PLEKHA5: variants seen among roughly 807,000 people sequenced by gnomAD.
The protein encoded by PLEKHA5 is pleckstrin homology domain-containing family A member 5.
A neutral mutation model predicts 181.9 loss-of-function variants in PLEKHA5; 55 were observed. The observed-to-expected ratio is 0.30, with a 90% CI of 0.24 to 0.38. The LOEUF is 0.38. PLEKHA5 is among the 10% of genes least tolerant of loss of function. PLEKHA5 has a pLI of 1.00. For missense variants in PLEKHA5, 1,432 were observed against 1,549.5 expected, an observed-to-expected ratio of 0.92 and a Z score of 1.27; for synonymous variants, 535 against 529.4, an observed-to-expected ratio of 1.01 and a Z score of -0.15.
chr12:19,170,671 G>A (rs556620912), intron 3 of PLEKHA5, among the ~76,000 whole-genome samples: 1 of 152,274 alleles, frequency 6.6e-6, no homozygotes, highest in South Asian at 2.1e-4. Flanking sequence ...GCCTGCCTTG[G>A]CCTCCCAAAG....
At chr12:19,285,340 G>A (rs1008631452) in intron 12 of PLEKHA5, among the ~76,000 whole-genome samples, 3 of 152,110 alleles carry the variant, frequency 2.0e-5, no homozygotes, top group Middle Eastern at 3.4e-3. Flanking sequence ...CATCTGTTTC[G>A]ACAGCAAATA....
intron 3 of PLEKHA5, among the ~76,000 whole-genome samples, chr12:19,160,323 A>G (rs1172734168): frequency 6.6e-6 from 1 of 152,072 alleles, no homozygotes; most frequent in Non-Finnish European, 1.5e-5. Context: ...GTATGAAATT[A>G]TACCTTGGGT....
At chr12:19,198,130 C>G (rs1447646021) in intron 3 of PLEKHA5, among the ~76,000 whole-genome samples, 1 of 152,186 alleles carries the variant, frequency 6.6e-6, no homozygotes, top group African/African-American at 2.4e-5. Flanking sequence ...ATTCTCCACA[C>G]TAGCTAGATT....
chr12:19,265,975 T>G (rs1289131517), intron 8 of PLEKHA5, 125 bp downstream of exon 8: 5 of 494,012 alleles, frequency 1.0e-5, no homozygotes, highest in African/African-American at 2.0e-5. Context: ...ATATATTAAT[T>G]AATGGTCTTA....
intron 3 of PLEKHA5, among the ~76,000 whole-genome samples, chr12:19,243,704 T>A (rs1454147127): frequency 2.0e-5 from 3 of 152,158 alleles, no homozygotes; most frequent in Non-Finnish European, 4.4e-5. Flanking sequence ...TAGTTCTAAG[T>A]TAAAGGCAAA....
chr12:19,207,236 A>G (rs925705147), intron 3 of PLEKHA5: 3 of 152,104 alleles, frequency 2.0e-5, no homozygotes, highest in Admixed American at 2.0e-4. Flanking sequence ...TTATTATACT[A>G]TTTTATACTA....
rs113078397 is a variant in PLEKHA5 at position 19,343,490 on chromosome 12, C to G, written c.2662+56C>G. Reference sequence around the variant, plus strand: ...TGACCACAGTATTACAGTCATGTGTCGCTTGGTGACAGATTACATTCTGAG... The same window carrying G: ...TGACCACAGTATTACAGTCATGTGTGGCTTGGTGACAGATTACATTCTGAG... On this transcript the variant is annotated intron_variant, in intron 22 of 31. Transcript: ENST00000429027. 95 of 954,428 alleles carry G rather than the reference C, an allele frequency of 1.0e-4. 1 individual carries two copies. In the African/African-American group the frequency reaches 1.5e-3, roughly 15 times the overall value. 59.1% of individuals were successfully genotyped at this position (954,428 alleles called of 1,614,324 possible). A position where few individuals can be genotyped will look rare whatever the true frequency, so the allele number is the denominator to read the frequency against.
chr12:19,163,477 A>G (rs927638303), intron 3 of PLEKHA5, among the ~76,000 whole-genome samples: 7 of 152,068 alleles, frequency 4.6e-5, no homozygotes, highest in Admixed American at 2.0e-4. Flanking sequence ...CACCGCGCCC[A>G]GCCTGAATTC....
At chr12:19,181,039 TAAA>T (rs11285788) in intron 3 of PLEKHA5, among the ~76,000 whole-genome samples, 4 of 146,828 alleles carry the variant, frequency 2.7e-5, no homozygotes, top group Admixed American at 6.8e-5. Flanking sequence ...GTTGAAATTG[TAAA>T]AAAAAAAAAA....
chr12:19,169,215 T>C (rs1043448494), intron 3 of PLEKHA5, among the ~76,000 whole-genome samples: 1 of 152,076 alleles, frequency 6.6e-6, no homozygotes, highest in Non-Finnish European at 1.5e-5. Context: ...GTTTTAATAT[T>C]TGAATTTAAG....
chr12:19,254,242 A>G (rs1273449421), intron 4 of PLEKHA5, among the ~76,000 whole-genome samples: 3 of 152,172 alleles, frequency 2.0e-5, no homozygotes, highest in Non-Finnish European at 4.4e-5. Context: ...AGTACTTCAA[A>G]CGCAGTAAGC....
rs1195919699 is a variant in PLEKHA5, at chr12:19,320,555, C to T, written c.2155-7C>T. On this transcript the variant is annotated splice_region_variant and splice_polypyrimidine_tract_variant and intron_variant, in intron 17 of 31. Coordinates refer to ENST00000429027, the MANE Select transcript of PLEKHA5 (RefSeq NM_001256470.2). ...TTTTAAGTTGCTATATGATTTTTTT[C>T]TTATAGCTGTCACAAGATGAAGGTA... 7.0e-7 allele frequency: 1 copy of T among 1,426,020 alleles called. No individual in the cohort carries two copies. Among genetic ancestry groups the T allele is most frequent in the Non-Finnish European group, 9.8e-7 (1 of 1,024,838 alleles). The allele number at this position is 1,426,020 out of a possible 1,614,324, so 88.3% of individuals were successfully genotyped here.
intron 20 of PLEKHA5, among the ~76,000 whole-genome samples, chr12:19,323,615 G>C (rs528139649): frequency 2.5e-4 from 38 of 151,982 alleles, no homozygotes; most frequent in African/African-American, 9.2e-4. Context: ...TCAGGAGTTT[G>C]AGACTAGCCT....
intron 31 of PLEKHA5, chr12:19,373,390 A>C (rs1380204191): frequency 6.6e-6 from 1 of 151,382 alleles, no homozygotes; most frequent in Non-Finnish European, 1.5e-5. Flanking sequence ...CAAAAAAAAA[A>C]AAAAAAATCT....
chr12:19,314,248 G>A (rs1438482672), intron 15 of PLEKHA5, among the ~76,000 whole-genome samples: 1 of 152,094 alleles, frequency 6.6e-6, no homozygotes, highest in Non-Finnish European at 1.5e-5. Context: ...ATATCCTTGA[G>A]TAATTCTACA....
chr12:19,316,877 G>T (rs904839086), intron 16 of PLEKHA5, among the ~76,000 whole-genome samples: 4 of 152,116 alleles, frequency 2.6e-5, no homozygotes, highest in African/African-American at 9.7e-5. Context: ...CTTTTCTGAA[G>T]TTGAATGACA....
At chr12:19,273,666 C>T (rs1390276579) in intron 10 of PLEKHA5, among the ~76,000 whole-genome samples, 1 of 152,150 alleles carries the variant, frequency 6.6e-6, no homozygotes, top group Non-Finnish European at 1.5e-5. Flanking sequence ...GATATGGCAA[C>T]TAGAATAGTG....
intron 15 of PLEKHA5, among the ~76,000 whole-genome samples, chr12:19,293,148 G>A (rs1261045604): frequency 2.0e-5 from 3 of 152,226 alleles, no homozygotes; most frequent in African/African-American, 4.8e-5. Flanking sequence ...AGAGGTTACT[G>A]TAGAAAATAA....
intron 3 of PLEKHA5, among the ~76,000 whole-genome samples, chr12:19,149,316 C>T (rs1389426951): frequency 1.3e-5 from 2 of 151,670 alleles, no homozygotes; most frequent in Non-Finnish European, 2.9e-5. Flanking sequence ...TCCTGGCTAG[C>T]ACGGTGAAAC....
Sources: allele counts gnomAD v4.1 joint callset (sites outside exome capture counted in the v4.1 genomes callset), GRCh38; gene constraint gnomAD v4.1.1; transcripts MANE v1.5; gene names NCBI Gene and HGNC (gene_info 2026-07-23, HGNC 2026-07-21).